The following SIPA1L1 variants were observed in gnomAD, a reference collection of about 807,000 sequenced individuals.
The protein encoded by SIPA1L1 is signal induced proliferation associated 1 like 1, also known as signal-induced proliferation-associated 1-like protein 1.
In SIPA1L1, 26 loss-of-function variants were observed where a neutral mutation model predicts 162.7. The ratio of observed to expected loss-of-function variants is 0.16; its 90% CI spans 0.12 to 0.22. SIPA1L1 has a LOEUF of 0.22. SIPA1L1 is among the 10% of genes least tolerant of loss of function. SIPA1L1 has a pLI of 1.00. For missense variants in SIPA1L1, 1,874 were observed against 2,241.0 expected, an observed-to-expected ratio of 0.84 and a Z score of 3.31; for synonymous variants, 829 against 837.4, an observed-to-expected ratio of 0.99 and a Z score of 0.17.
intron 2 of SIPA1L1, among the ~76,000 whole-genome samples, chr14:71,403,388 G>A (rs1279817581): frequency 2.6e-5 from 4 of 151,834 alleles, no homozygotes; most frequent in Admixed American, 1.3e-4. Context: ...TCATGAGGTC[G>A]GGAGTTTAAG....
intron 20 of SIPA1L1, among the ~76,000 whole-genome samples, chr14:71,731,336 CTCCTTAAATA>C (rs1350982040): frequency 2.0e-5 from 3 of 149,914 alleles, no homozygotes; most frequent in Admixed American, 6.6e-5. Context: ...CTCCTTAAAT[CTCCTTAAATA>C]AAGCTGCTCC....
intron 2 of SIPA1L1, among the ~76,000 whole-genome samples, chr14:71,429,505 AT>A (rs958956286): frequency 6.7e-5 from 10 of 148,654 alleles, no homozygotes; most frequent in Admixed American, 1.3e-4. Context: ...ATGGGGATTG[AT>A]TTTTTTTTTC....
At chr14:71,426,017 T>G (rs2043534005) in intron 2 of SIPA1L1, among the ~76,000 whole-genome samples, 1 of 152,196 alleles carries the variant, frequency 6.6e-6, no homozygotes, top group South Asian at 2.1e-4. Context: ...ATCCTTGCTT[T>G]CTTTTGGTGA....
chr14:71,403,693 G>A (rs1038339334), intron 2 of SIPA1L1, among the ~76,000 whole-genome samples: 13 of 150,542 alleles, frequency 8.6e-5, no homozygotes, highest in Non-Finnish European at 2.9e-5. Context: ...TTATACTTCA[G>A]TGTTAGATCA....
At position 71,515,468 on chromosome 14, in the gene SIPA1L1, A is replaced by G. The variant is rs548520599; in HGVS notation, c.-362+2623A>G. On this transcript the variant is annotated intron_variant, in intron 3 of 23. Coordinates refer to ENST00000381232, the MANE Select transcript of SIPA1L1 (RefSeq NM_001386936.1). Reference sequence around the variant, plus strand: ...AAAATGAAAATCTCTTCTATGGGCTATGGAATTGCTCATTTTGAAATAGTG... The same window carrying G: ...AAAATGAAAATCTCTTCTATGGGCTGTGGAATTGCTCATTTTGAAATAGTG... 3.3e-5 allele frequency among the ~76,000 whole-genome samples: 5 copies of G among 152,300 alleles called. No individual in the cohort carries two copies. In the South Asian group the frequency reaches 6.2e-4, roughly 19 times the overall value.
chr14:71,529,124 A>C (rs1395816168), intron 3 of SIPA1L1, among the ~76,000 whole-genome samples, 188 bp from the exon 4 acceptor site: 2 of 152,100 alleles, frequency 1.3e-5, no homozygotes, highest in Non-Finnish European at 2.9e-5. Context: ...AAAAAAAAAA[A>C]AGAAAGAAAT....
At chr14:71,404,791 A>G (rs529645700) in intron 2 of SIPA1L1, among the ~76,000 whole-genome samples, 1 of 152,332 alleles carries the variant, frequency 6.6e-6, no homozygotes, top group African/African-American at 2.4e-5. Context: ...TTCATTTTAC[A>G]AAGAACTTAG....
chr14:71,384,383 G>A (rs2040151586), intron 2 of SIPA1L1, among the ~76,000 whole-genome samples: 1 of 152,190 alleles, frequency 6.6e-6, no homozygotes, highest in Non-Finnish European at 1.5e-5. Flanking sequence ...TGGCCTTGAA[G>A]GCCTAACATT....
chr14:71,472,848 T>TTA (rs1555432086), intron 2 of SIPA1L1, among the ~76,000 whole-genome samples: 3 of 120,476 alleles, frequency 2.5e-5, no homozygotes, highest in Non-Finnish European at 4.9e-5. Flanking sequence ...TATGAAAACT[T>TTA]AAAAAAAAAA....
intron 2 of SIPA1L1, among the ~76,000 whole-genome samples, chr14:71,464,592 A>G (rs551333679): frequency 3.9e-5 from 6 of 152,072 alleles, no homozygotes; most frequent in African/African-American, 1.2e-4. Context: ...AGTGAGCCCA[A>G]ATCATGCCAC....
intron 2 of SIPA1L1, among the ~76,000 whole-genome samples, chr14:71,344,306 C>A (rs1463300947): frequency 6.6e-6 from 1 of 152,176 alleles, no homozygotes; most frequent in Non-Finnish European, 1.5e-5. Flanking sequence ...CAACCTCTTT[C>A]TTAATTTTTA....
At chr14:71,358,655 A>C (rs1242238575) in intron 2 of SIPA1L1, among the ~76,000 whole-genome samples, 1 of 152,200 alleles carries the variant, frequency 6.6e-6, no homozygotes, top group Non-Finnish European at 1.5e-5. Context: ...CAATTCTTGC[A>C]CTAGTATAAA....
intron 2 of SIPA1L1, among the ~76,000 whole-genome samples, chr14:71,348,264 A>G (rs115314335): frequency 0.019 from 2,848 of 152,288 alleles, 38 homozygotes; most frequent in African/African-American, 0.03. Flanking sequence ...CTTTGCAATC[A>G]TTAGCCCTCC....
At chr14:71,662,524 A>G (rs147002995) in intron 10 of SIPA1L1, among the ~76,000 whole-genome samples, 209 of 152,328 alleles carry the variant, frequency 1.4e-3, no homozygotes, top group Non-Finnish European at 2.5e-3. Flanking sequence ...CACTTGCCTC[A>G]GGTTAGCTGG....
At chr14:71,511,918 G>T (rs2051185584) in intron 2 of SIPA1L1, among the ~76,000 whole-genome samples, 2 of 152,308 alleles carry the variant, frequency 1.3e-5, no homozygotes, top group Admixed American at 6.5e-5. Flanking sequence ...GCTGTGCCCC[G>T]AGAGGGCTTG....
intron 2 of SIPA1L1, among the ~76,000 whole-genome samples, chr14:71,454,224 G>T (rs2046031130): frequency 6.6e-6 from 1 of 152,026 alleles, no homozygotes; most frequent in Non-Finnish European, 1.5e-5. Context: ...GGCTGGAAAA[G>T]GTTAAAGGAG....
intron 5 of SIPA1L1, among the ~76,000 whole-genome samples, chr14:71,617,657 C>T (rs560131632): frequency 6.6e-6 from 1 of 152,178 alleles, no homozygotes; most frequent in Non-Finnish European, 1.5e-5. Context: ...TCTTATTATT[C>T]TCATGGATTT....
At chr14:71,722,325 A>G (rs974367406) in intron 17 of SIPA1L1, among the ~76,000 whole-genome samples, 3 of 152,224 alleles carry the variant, frequency 2.0e-5, no homozygotes, top group Admixed American at 2.0e-4. Flanking sequence ...CTATTCAGTT[A>G]TCTTCCTCCC....
At chr14:71,393,812 C>A (rs61991248) in intron 2 of SIPA1L1, among the ~76,000 whole-genome samples, 24,899 of 152,130 alleles carry the variant, frequency 0.16, 2,647 homozygotes, top group Middle Eastern at 0.35. Context: ...TACAGCAAGA[C>A]CCCATCTCTA....
Sources: allele counts gnomAD v4.1 joint callset (sites outside exome capture counted in the v4.1 genomes callset), GRCh38; gene constraint gnomAD v4.1.1; transcripts MANE v1.5; gene names NCBI Gene and HGNC (gene_info 2026-07-23, HGNC 2026-07-21).